The following BLTP1 variants were observed in gnomAD, a reference collection of about 807,000 sequenced individuals.
The protein encoded by BLTP1 is bridge-like lipid transfer protein family member 1, also known as fragile site-associated protein.
the BLTP1 span, chr4:122,316,985 G>A: frequency 1.6e-6 from 1 of 623,880 alleles, no homozygotes; most frequent in Non-Finnish European, 2.6e-6. Context: ...GATATCACCA[G>A]GGTCCAGAGT....
the BLTP1 span, among the ~76,000 whole-genome samples, chr4:122,299,557 T>C: frequency 1.3e-5 from 2 of 152,132 alleles, no homozygotes; most frequent in African/African-American, 4.8e-5. Context: ...ATTTGAGATT[T>C]CCAAATAATA....
the BLTP1 span, chr4:122,223,888 G>A: frequency 8.2e-6 from 4 of 488,858 alleles, no homozygotes; most frequent in Non-Finnish European, 1.1e-5. Context: ...AATAATGTGT[G>A]GAACTAGTGT....
chr4:122,319,136 G>C, the BLTP1 span, among the ~76,000 whole-genome samples: 1 of 152,036 alleles, frequency 6.6e-6, no homozygotes, highest in African/African-American at 2.4e-5. Context: ...GTCCTGGCTA[G>C]AGGCTTATCA....
chr4:122,164,539 T>C, the BLTP1 span: 3 of 408,492 alleles, frequency 7.3e-6, no homozygotes, highest in Non-Finnish European at 9.9e-6. Flanking sequence ...TTTTGACTTA[T>C]CCTATTGCTG....
At chr4:122,297,560 T>C in the BLTP1 span, among the ~76,000 whole-genome samples, 1 of 152,210 alleles carries the variant, frequency 6.6e-6, no homozygotes, top group South Asian at 2.1e-4. Flanking sequence ...TTACTGGGTA[T>C]ATACCCAAAG....
At chr4:122,280,818 TATA>T in the BLTP1 span, among the ~76,000 whole-genome samples, 1 of 152,194 alleles carries the variant, frequency 6.6e-6, no homozygotes, top group African/African-American at 2.4e-5. Context: ...TTAATTCTGA[TATA>T]ATGTTTAATC....
At chr4:122,359,440 C>A in the BLTP1 span, 1 of 1,416,784 alleles carries the variant, frequency 7.1e-7, no homozygotes. Flanking sequence ...TTAAGAAATG[C>A]AATTAAATGA....
the BLTP1 span, chr4:122,339,172 G>A: frequency 1.3e-6 from 2 of 1,594,776 alleles, no homozygotes; most frequent in Non-Finnish European, 1.7e-6. Flanking sequence ...CTTTTATCCA[G>A]TTCCTAGAAA....
At chr4:122,336,362 C>G in the BLTP1 span, 2 of 1,565,896 alleles carry the variant, frequency 1.3e-6, no homozygotes, top group Non-Finnish European at 1.7e-6. Flanking sequence ...AGGTAAGCAT[C>G]CTTCTTATAT....
At chr4:122,350,986 C>T in the BLTP1 span, among the ~76,000 whole-genome samples, 1 of 152,134 alleles carries the variant, frequency 6.6e-6, no homozygotes, top group African/African-American at 2.4e-5. Flanking sequence ...TCAAAAAATA[C>T]TCCCTTTTAA....
the BLTP1 span, chr4:122,362,239 G>T: frequency 6.2e-7 from 1 of 1,611,350 alleles, no homozygotes; most frequent in Non-Finnish European, 8.5e-7. Context: ...AGACAAAGAA[G>T]AACACTAAAA....
chr4:122,172,931 G>A, the BLTP1 span: 1 of 1,575,272 alleles, frequency 6.3e-7, no homozygotes, highest in East Asian at 2.3e-5. Flanking sequence ...GCTGGATAAA[G>A]TATAATCAAC....
the BLTP1 span, chr4:122,271,448 C>T: frequency 1.4e-5 from 22 of 1,613,460 alleles, no homozygotes; most frequent in Non-Finnish European, 1.7e-5. Flanking sequence ...AAAGAACAAA[C>T]GGACCAACAA....
the BLTP1 span, chr4:122,232,233 A>C: frequency 1.8e-6 from 1 of 565,486 alleles, no homozygotes; most frequent in Non-Finnish European, 2.2e-6. Flanking sequence ...AATACACAAA[A>C]CTTCTGATCA....
At chr4:122,231,605 G>A in the BLTP1 span, 7 of 930,542 alleles carry the variant, frequency 7.5e-6, no homozygotes, top group South Asian at 3.0e-4. Context: ...ATTCAAGTAT[G>A]TCAGTTACTA....
the BLTP1 span, among the ~76,000 whole-genome samples, chr4:122,159,720 A>G: frequency 2.0e-5 from 3 of 152,136 alleles, no homozygotes; most frequent in Non-Finnish European, 4.4e-5. Context: ...CCATCCTACT[A>G]TTTGGAAACA....
chr4:122,305,987 T>G, the BLTP1 span: 1 of 1,612,472 alleles, frequency 6.2e-7, no homozygotes, highest in South Asian at 1.1e-5. Flanking sequence ...ATAGGGAAGC[T>G]GTGCTTATTA....
chr4:122,271,786 A>C, the BLTP1 span: 24 of 1,084,368 alleles, frequency 2.2e-5, 1 homozygote, highest in South Asian at 4.1e-4. Context: ...CCAAAGAAGC[A>C]GAAGACTGTT....
At chr4:122,354,111 C>T in the BLTP1 span, 1 of 1,098,938 alleles carries the variant, frequency 9.1e-7, no homozygotes, top group Non-Finnish European at 1.3e-6. Flanking sequence ...ATGGTGTTTT[C>T]ATTTCCTTAA....
Sources: gnomAD v4.1 joint callset for allele counts (sites outside exome capture counted in the v4.1 genomes callset) on GRCh38, gnomAD v4.1.1 for gene constraint, MANE v1.5 for transcripts, NCBI Gene and HGNC (gene_info 2026-07-23, HGNC 2026-07-21) for gene names.